The following FBXO21 variants were observed in gnomAD, a reference collection of about 807,000 sequenced individuals.
The protein encoded by FBXO21 is F-box only protein 21.
Under a neutral mutation model 76.6 loss-of-function variants are expected in FBXO21, and 32 were observed. That is an observed-to-expected ratio of 0.42 (90% CI 0.32 to 0.56). The LOEUF is 0.56. Among genes scored for constraint, FBXO21 ranks in the 20% least tolerant of loss-of-function variants. The pLI is 0.16. For synonymous variants in FBXO21, 328 were observed against 311.5 expected (o/e 1.05, Z -0.56); for missense variants, 586 against 797.3 (o/e 0.73, Z 3.19).
intron 11 of FBXO21, among the ~76,000 whole-genome samples, chr12:117,153,233 G>A (rs192086970): frequency 1.4e-4 from 21 of 152,154 alleles, no homozygotes; most frequent in Non-Finnish European, 1.5e-4. Context: ...GGAGACACAT[G>A]AGGAGACAGC....
In FBXO21 at chr12:117,144,614, C is replaced by T. The variant is rs970853924; in HGVS notation, c.*1473G>A. On this transcript the variant is annotated 3_prime_UTR_variant, in exon 12 of 12. Transcript: ENST00000622495. ...GACAGACAGGTGCAGAGACAGGCCC[C>T]TAACGCCCCATTCACTAGAGCAACT... 7 of 152,240 alleles carry T rather than the reference C, an allele frequency of 4.6e-5. No homozygotes were observed. The highest frequency in any genetic ancestry group is 1.7e-4 in the African/African-American group (7 of 41,472). The allele number at this position is 152,240 out of a possible 1,614,324, so 9.4% of individuals were successfully genotyped here.
At chr12:117,171,722 T>C (rs941690917) in intron 7 of FBXO21, among the ~76,000 whole-genome samples, 1 of 152,230 alleles carries the variant, frequency 6.6e-6, no homozygotes, top group Non-Finnish European at 1.5e-5. Flanking sequence ...TTAAAGGGTA[T>C]CAGAGTTAAT....
chr12:117,185,632 C>A (rs538446902), intron 3 of FBXO21, among the ~76,000 whole-genome samples: 1 of 152,232 alleles, frequency 6.6e-6, no homozygotes, highest in East Asian at 1.9e-4. Flanking sequence ...TCAAGTGAGT[C>A]CCTAAGTACG....
intron 7 of FBXO21, 81 bp downstream of exon 7, chr12:117,172,390 T>C: frequency 6.6e-7 from 1 of 1,509,906 alleles, no homozygotes; most frequent in Admixed American, 1.9e-5. Flanking sequence ...AACACCCAAC[T>C]TGATGATGAA....
chr12:117,153,873 T>C (rs926079621), intron 11 of FBXO21, among the ~76,000 whole-genome samples: 1 of 152,268 alleles, frequency 6.6e-6, no homozygotes, highest in African/African-American at 2.4e-5. Flanking sequence ...ATTTTTTCAG[T>C]AATGACAATT....
intron 2 of FBXO21, 94 bp from the exon 3 acceptor site, chr12:117,186,665 C>T: frequency 1.3e-6 from 1 of 744,904 alleles, no homozygotes; most frequent in Non-Finnish European, 2.3e-6. Flanking sequence ...ATGTCCACTA[C>T]TAAAGACAGT....
Position 117,190,233 on chromosome 12 carries a change from T to C in FBXO21, c.224A>G (p.Glu75Gly), listed in dbSNP as rs766556902. ...GCTGGCTCACCTCACCCGGAACTGC[T>C]CCTTCCACACCTTCCCGCTGCTCTG... ...LCQSSGKVWK[E>G]QFRVRWPSLM... The change falls in exon 1 of 12, where the codon GAG (glutamate) becomes GGG (glycine). Residue 75 changes from glutamate (E) to glycine (G), a missense_variant. Transcript: ENST00000622495. The C allele has an allele frequency of 2.6e-6, 4 of 1,529,446 alleles. No individual in the cohort carries two copies. In the South Asian group the frequency reaches 3.6e-5, roughly 14 times the overall value. The allele number at this position is 1,529,446 out of a possible 1,614,324, so 94.7% of individuals were successfully genotyped here.
rs1592881442 is a variant in FBXO21 at position 117,165,680 on chromosome 12, T to C, written c.1194-63A>G. ...GTTTTTTCAGCAAAGACTCTCTTTT[T>C]CAAGGCCCAGGTTTTAAATATAATT... On this transcript the variant is annotated intron_variant, in intron 8 of 11. Coordinates refer to ENST00000622495, the MANE Select transcript of FBXO21 (RefSeq NM_015002.3). 4.7e-6 allele frequency: 7 copies of C among 1,480,948 alleles called. No individual in the cohort carries two copies. In the South Asian group the frequency reaches 7.0e-5, roughly 15 times the overall value. The allele number at this position is 1,480,948 out of a possible 1,614,324, so 91.7% of individuals were successfully genotyped here. A position where few individuals can be genotyped will look rare whatever the true frequency, so the allele number is the denominator to read the frequency against.
At chr12:117,156,060 G>A in intron 10 of FBXO21, 112 bp from the exon 11 acceptor site, 1 of 978,564 alleles carries the variant, frequency 1.0e-6, no homozygotes, top group Non-Finnish European at 1.6e-6. Flanking sequence ...ACTCCACGGT[G>A]AATCATTTTT....
In FBXO21 at chr12:117,165,491, T is replaced by C; in HGVS notation, c.1320A>G (p.Pro440=). The C allele has an allele frequency of 1.2e-6, 2 of 1,613,766 alleles. No homozygotes were observed. The highest frequency in any genetic ancestry group is 1.7e-6 in the Non-Finnish European group (2 of 1,179,894). Residue 440 remains proline, a synonymous_variant, in exon 9 of 12, where the codon CCA becomes CCG. Coordinates refer to ENST00000622495, the MANE Select transcript of FBXO21 (RefSeq NM_015002.3). ...ATCAAAGTAAAATAATTACCTTCTC[T>C]GGCCAGATTCCCAGGTGGAAGTAAA... The part of the protein sequence containing the change: ...ARLYFHLGIW[P]EKVLDILQHI...
chr12:117,152,628 TG>T (rs1205280383), intron 11 of FBXO21, among the ~76,000 whole-genome samples: 2 of 152,076 alleles, frequency 1.3e-5, no homozygotes, highest in African/African-American at 4.8e-5. Context: ...GGTTGGATAC[TG>T]ATTTTAAGAA....
intron 3 of FBXO21, among the ~76,000 whole-genome samples, chr12:117,181,091 T>G (rs763050925): frequency 3.3e-5 from 5 of 152,268 alleles, no homozygotes; most frequent in Non-Finnish European, 7.3e-5. Flanking sequence ...AATACATGTT[T>G]AGTGCTCACT....
intron 8 of FBXO21, 122 bp from the exon 9 acceptor site, chr12:117,165,739 T>C: frequency 1.0e-6 from 1 of 976,418 alleles, no homozygotes; most frequent in Non-Finnish European, 1.5e-6. Context: ...GATTCTGGTA[T>C]TTCTTCTCAG....
At chr12:117,155,204 T>C (rs189461683) in intron 11 of FBXO21, 1 of 152,872 alleles carries the variant, frequency 6.5e-6, no homozygotes, top group East Asian at 1.9e-4. Flanking sequence ...GGCATTCTTG[T>C]CTCTTACCAG....
At chr12:117,157,852 C>G (rs775916427) in intron 10 of FBXO21, 21 bp downstream of exon 10, 1 of 1,576,232 alleles carries the variant, frequency 6.3e-7, no homozygotes, top group Non-Finnish European at 8.6e-7. Flanking sequence ...CACTGCAGGA[C>G]AGATGATCCC....
chr12:117,176,181 T>C (rs1349165254), intron 4 of FBXO21, among the ~76,000 whole-genome samples: 1 of 152,180 alleles, frequency 6.6e-6, no homozygotes, highest in African/African-American at 2.4e-5. Context: ...CAGAAACAAA[T>C]GTATACACAG....
Position 117,174,535 on chromosome 12 carries a change from C to T in FBXO21, c.739+116G>A, listed in dbSNP as rs949651834. Reference sequence around the variant, plus strand: ...CTTCAACCAGGTAAACACGTGGTCACGTCATTTTATCACTTTTTCATGACA... The same window carrying T: ...CTTCAACCAGGTAAACACGTGGTCATGTCATTTTATCACTTTTTCATGACA... On this transcript the variant is annotated intron_variant, in intron 5 of 11. Coordinates refer to ENST00000622495, the MANE Select transcript of FBXO21 (RefSeq NM_015002.3). The T allele has an allele frequency of 2.1e-5, 28 of 1,313,210 alleles. No homozygotes were observed. In the African/African-American group the frequency reaches 3.7e-4, roughly 17 times the overall value. 81.3% of individuals were successfully genotyped at this position (1,313,210 alleles called of 1,614,324 possible).
intron 9 of FBXO21, among the ~76,000 whole-genome samples, chr12:117,164,413 A>C (rs1352330682): frequency 6.6e-6 from 1 of 151,414 alleles, no homozygotes; most frequent in Non-Finnish European, 1.5e-5. Flanking sequence ...AGTAGCTGGG[A>C]TTACAGGTTC....
rs150394241 is a variant in FBXO21, at chr12:117,156,742, T to C, written c.1518-794A>G. 9.2e-5 allele frequency among the ~76,000 whole-genome samples: 14 copies of C among 152,188 alleles called. No homozygotes were observed. In the East Asian group the frequency reaches 2.7e-3, roughly 29 times the overall value. ...TTATAAATCTTTGCAAATTTCCATT[T>C]AAAAGTTTAAAAAAATGCAATAAAG... is the stretch of plus-strand genomic sequence containing the variant. On this transcript the variant is annotated intron_variant, in intron 10 of 11. Transcript: ENST00000622495.
Sources: gnomAD v4.1 joint callset for allele counts (sites outside exome capture counted in the v4.1 genomes callset) on GRCh38, gnomAD v4.1.1 for gene constraint, MANE v1.5 for transcripts, NCBI Gene and HGNC (gene_info 2026-07-23, HGNC 2026-07-21) for gene names.